Variants in FAAH2 observed in about 807,000 individuals in gnomAD.
The protein encoded by FAAH2 is fatty acid amide hydrolase 2, also known as fatty-acid amide hydrolase 2.
A neutral mutation model predicts 36.9 loss-of-function variants in FAAH2; 60 were observed. The observed-to-expected ratio is 1.63, with a 90% CI of 1.32 to 2.02. The LOEUF (loss-of-function observed/expected upper bound fraction) is 2.02, where lower values mean the gene tolerates loss of function less well. Ranked by LOEUF, FAAH2 falls within the 30% of genes most tolerant of loss-of-function variation. The pLI, the probability that FAAH2 is intolerant of heterozygous loss-of-function variation, is 0.00. For missense variants in FAAH2, 689 were observed against 397.5 expected, an observed-to-expected ratio of 1.73 and a Z score of -6.23; for synonymous variants, 214 against 143.8, an observed-to-expected ratio of 1.49 and a Z score of -3.49.
intron 7 of FAAH2, among the ~76,000 whole-genome samples, chrX:57,425,101 C>G (rs1055821995): frequency 9.0e-6 from 1 of 111,269 alleles, no homozygotes; most frequent in Non-Finnish European, 1.9e-5. Context: ...AAACCTTCAA[C>G]AGTAGACTAG....
At chrX:57,386,135 G>C (rs189531287) in intron 7 of FAAH2, among the ~76,000 whole-genome samples, 1 of 110,984 alleles carries the variant, frequency 9.0e-6, no homozygotes, top group African/African-American at 3.3e-5. Flanking sequence ...TAATTTTTAC[G>C]TGTATTAAGA....
intron 5 of FAAH2, among the ~76,000 whole-genome samples, chrX:57,355,855 CTTTG>C (rs2054145305): frequency 9.0e-6 from 1 of 111,020 alleles, no homozygotes; most frequent in Admixed American, 9.6e-5. Flanking sequence ...GTCATTCCTT[CTTTG>C]TTCTTCATTT....
the FAAH2 span, among the ~76,000 whole-genome samples, chrX:57,194,576 A>G: frequency 9.2e-6 from 1 of 109,058 alleles, no homozygotes; most frequent in East Asian, 2.9e-4. Context: ...TTTTATTAAG[A>G]TTTATTTATT....
chrX:57,238,922 A>G, the FAAH2 span, among the ~76,000 whole-genome samples: 1 of 112,214 alleles, frequency 8.9e-6, no homozygotes, highest in Non-Finnish European at 1.9e-5. Context: ...TTTGTTTAAG[A>G]TAATAACCTC....
intron 5 of FAAH2, among the ~76,000 whole-genome samples, chrX:57,369,896 A>G (rs982810473): frequency 1.8e-5 from 2 of 112,261 alleles, no homozygotes; most frequent in Admixed American, 9.5e-5. Context: ...ACAAGTTGTA[A>G]GTGGACACAA....
At chrX:57,301,400 G>A (rs996249143) in intron 2 of FAAH2, among the ~76,000 whole-genome samples, 1 of 98,876 alleles carries the variant, frequency 1.0e-5, no homozygotes, top group Non-Finnish European at 2.0e-5. Context: ...CTCATAGGTG[G>A]GAATTGAACA....
chrX:57,238,289 A>T, the FAAH2 span, among the ~76,000 whole-genome samples: 6 of 112,424 alleles, frequency 5.3e-5, no homozygotes, highest in Admixed American at 2.8e-4. Context: ...AATATGTTAA[A>T]TATACACCAT....
At chrX:57,445,194 T>C (rs1162427718) in intron 8 of FAAH2, among the ~76,000 whole-genome samples, 3 of 111,793 alleles carry the variant, frequency 2.7e-5, no homozygotes, top group Non-Finnish European at 5.6e-5. Context: ...ACTGAATCCA[T>C]AACAGCAGTA....
chrX:57,236,266 C>A, the FAAH2 span, among the ~76,000 whole-genome samples: 7 of 112,145 alleles, frequency 6.2e-5, no homozygotes, highest in Admixed American at 2.8e-4. Context: ...TAGGTTGATT[C>A]CTTTTATTGG....
chrX:57,348,793 C>G (rs1328007330), intron 5 of FAAH2, among the ~76,000 whole-genome samples: 2 of 109,850 alleles, frequency 1.8e-5, no homozygotes, highest in African/African-American at 6.6e-5. Context: ...AAAAGTCTCC[C>G]CTAAGGAAAG....
chrX:57,221,653 G>T, the FAAH2 span, among the ~76,000 whole-genome samples: 2 of 111,334 alleles, frequency 1.8e-5, no homozygotes, highest in African/African-American at 6.5e-5. Context: ...ATGTCCAGTA[G>T]TTCCTTACCC....
At chrX:57,443,779 C>T (rs1424077803) in intron 8 of FAAH2, among the ~76,000 whole-genome samples, 1 of 111,911 alleles carries the variant, frequency 8.9e-6, no homozygotes, top group Non-Finnish European at 1.9e-5. Flanking sequence ...TGGTGACGTA[C>T]AGATGGGGTT....
chrX:57,191,591 A>T, the FAAH2 span, among the ~76,000 whole-genome samples: 1 of 111,729 alleles, frequency 9.0e-6, no homozygotes, highest in Non-Finnish European at 1.9e-5. Context: ...AATTTCCCCA[A>T]AGTTTTCTTC....
intron 8 of FAAH2, among the ~76,000 whole-genome samples, chrX:57,443,073 C>G (rs564005323): frequency 2.7e-5 from 3 of 111,593 alleles, no homozygotes; most frequent in South Asian, 3.8e-4. Context: ...TTTGGTGAAT[C>G]TCATAATTAT....
intron 7 of FAAH2, among the ~76,000 whole-genome samples, chrX:57,420,202 G>T (rs1353862108): frequency 9.5e-6 from 1 of 105,523 alleles, no homozygotes; most frequent in African/African-American, 3.6e-5. Context: ...GGCGATGTGG[G>T]CTCTTTTTTG....
At chrX:57,346,275 G>C (rs2053819970) in intron 5 of FAAH2, among the ~76,000 whole-genome samples, 1 of 111,555 alleles carries the variant, frequency 9.0e-6, no homozygotes, top group African/African-American at 3.3e-5. Context: ...AGGTCAAAAA[G>C]AACTTGTTTT....
intron 2 of FAAH2, among the ~76,000 whole-genome samples, chrX:57,303,567 G>A (rs1007295428): frequency 8.9e-6 from 1 of 111,734 alleles, no homozygotes; most frequent in African/African-American, 3.3e-5. Context: ...AAAGCATGTA[G>A]ATTTTATTGT....
the FAAH2 span, among the ~76,000 whole-genome samples, chrX:57,185,462 AT>A: frequency 1.0e-5 from 1 of 100,432 alleles, no homozygotes; most frequent in African/African-American, 3.7e-5. Flanking sequence ...GAAGTACCAC[AT>A]TTTTTTCTCT....
the FAAH2 span, among the ~76,000 whole-genome samples, chrX:57,145,026 A>G: frequency 9.0e-6 from 1 of 111,680 alleles, no homozygotes; most frequent in East Asian, 2.8e-4. Flanking sequence ...GTGCTGCTAT[A>G]AACATGCATG....
Sources: gnomAD v4.1 joint callset for allele counts (sites outside exome capture counted in the v4.1 genomes callset) on GRCh38, gnomAD v4.1.1 for gene constraint, MANE v1.5 for transcripts, NCBI Gene and HGNC (gene_info 2026-07-23, HGNC 2026-07-21) for gene names.